The following LRP1B variants were observed in gnomAD, a reference collection of about 807,000 sequenced individuals.
The protein encoded by LRP1B is low-density lipoprotein receptor-related protein 1B.
A neutral mutation model predicts 556.6 loss-of-function variants in LRP1B; 217 were observed. The ratio of observed to expected loss-of-function variants is 0.39; its 90% CI spans 0.35 to 0.44. The LOEUF (loss-of-function observed/expected upper bound fraction) is 0.44, where lower values mean the gene tolerates loss of function less well. Ranked by LOEUF, LRP1B falls within the 20% of genes least tolerant of loss-of-function variation. LRP1B has a pLI of 1.00. For missense variants in LRP1B, 5,053 were observed against 5,620.8 expected, an observed-to-expected ratio of 0.90 and a Z score of 3.23; for synonymous variants, 2,047 against 1,865.8, an observed-to-expected ratio of 1.10 and a Z score of -2.50.
chr2:141,049,057 G>C lies in LRP1B; in HGVS notation c.1718C>G (p.Ala573Gly), dbSNP rs2105445708. Residue 573 changes from alanine (A) to glycine (G), a missense_variant, in exon 11 of 91, where the codon GCT becomes GGT. This residue lies in a region of LRP1B where 3,619 missense variants were observed against 3,931.9 expected (regional missense o/e 0.92). Transcript: ENST00000389484. Reference protein sequence around the residue: ...FHAETNYIYFADTTSFLIGRQ... With the variant: ...FHAETNYIYFGDTTSFLIGRQ... ...GCCAATTAGGAAACTGGTGGTGTCA[G>C]CAAAGTAGATGTAATTGGTTTCTGC... 2 of 1,613,590 alleles carry C rather than the reference G, an allele frequency of 1.2e-6. No homozygotes were observed. Among genetic ancestry groups the C allele is most frequent in the Non-Finnish European group, 1.7e-6 (2 of 1,179,690 alleles).
At chr2:140,521,979 G>A (rs763995011) in intron 49 of LRP1B, among the ~76,000 whole-genome samples, 2 of 151,942 alleles carry the variant, frequency 1.3e-5, no homozygotes, top group South Asian at 2.1e-4. Context: ...CAACTTGATA[G>A]CCACAATAAC....
chr2:141,489,240 C>T (rs940737085), intron 2 of LRP1B, among the ~76,000 whole-genome samples: 2 of 70,592 alleles, frequency 2.8e-5, no homozygotes, highest in African/African-American at 4.4e-5. Flanking sequence ...TGCTTGGCTT[C>T]ACCTCCCAAA....
In LRP1B at chr2:140,503,141, A is replaced by G. The variant is rs757055517; in HGVS notation, c.8522-38T>C. ...AAAAAACATTTGACTAATTCACATA[A>G]CAAATACTAATTGAAACGTCATCTC... On this transcript the variant is annotated intron_variant, in intron 53 of 90. Transcript: ENST00000389484. 7 of 1,593,298 alleles carry G rather than the reference A, an allele frequency of 4.4e-6. No individual in the cohort carries two copies. In the South Asian group the frequency reaches 6.6e-5, roughly 15 times the overall value.
chr2:140,770,781 T>A (rs1689282618), intron 34 of LRP1B, 100 bp downstream of exon 34: 1 of 944,358 alleles, frequency 1.1e-6, no homozygotes, highest in South Asian at 2.5e-5. Context: ...AGTTAATTTT[T>A]TTCTAATGTT....
At position 141,840,395 on chromosome 2, in the gene LRP1B, C is replaced by T. The variant is rs369449077; in HGVS notation, c.83-29994G>A. Among the ~76,000 whole-genome samples the T allele has an allele frequency of 1.6e-4, 24 of 150,104 alleles. No individual in the cohort carries two copies. In the East Asian group the frequency reaches 1.8e-3, roughly 11 times the overall value. ...TCTCCTGCCTCAGCTTCCCAAGTAG[C>T]TGGGACTGCAGGCACCCGCCACTAC... On this transcript the variant is annotated intron_variant, in intron 1 of 90. Coordinates refer to ENST00000389484, the MANE Select transcript of LRP1B (RefSeq NM_018557.3).
intron 27 of LRP1B, among the ~76,000 whole-genome samples, chr2:140,858,533 G>T (rs1692689727): frequency 1.1e-5 from 1 of 93,346 alleles, no homozygotes; most frequent in African/African-American, 3.1e-5. Context: ...AGAGAGAAAG[G>T]AAAGAGAAAG....
chr2:141,007,415 T>C (rs1280239371), intron 14 of LRP1B, among the ~76,000 whole-genome samples: 3 of 151,818 alleles, frequency 2.0e-5, no homozygotes, highest in Admixed American at 2.0e-4. Context: ...AAAAAATACA[T>C]ATGAAAGCCA....
intron 46 of LRP1B, among the ~76,000 whole-genome samples, chr2:140,536,311 T>TTAA (rs1690966846): frequency 1.6e-5 from 1 of 61,872 alleles, no homozygotes; most frequent in Non-Finnish European, 2.7e-5. Context: ...CCCGTCTCTT[T>TTAA]AAAAAAAAAA....
At chr2:140,904,346 C>T (rs955211280) in intron 22 of LRP1B, among the ~76,000 whole-genome samples, 1 of 151,964 alleles carries the variant, frequency 6.6e-6, no homozygotes, top group South Asian at 2.1e-4. Flanking sequence ...TCTTTCTTGG[C>T]TTTAAAAATA....
At chr2:141,708,667 C>T (rs1212521657) in intron 2 of LRP1B, among the ~76,000 whole-genome samples, 1 of 127,900 alleles carries the variant, frequency 7.8e-6, no homozygotes, top group Non-Finnish European at 1.6e-5. Context: ...TTGTGTCTCC[C>T]CAAAATTTGT....
intron 7 of LRP1B, among the ~76,000 whole-genome samples, chr2:141,113,627 G>A (rs934105116): frequency 2.6e-5 from 4 of 151,866 alleles, no homozygotes; most frequent in Admixed American, 1.3e-4. Flanking sequence ...ACCAACACTG[G>A]TACCTCACCT....
intron 22 of LRP1B, among the ~76,000 whole-genome samples, chr2:140,903,610 CAT>C (rs1044232512): frequency 5.9e-5 from 9 of 151,916 alleles, no homozygotes; most frequent in African/African-American, 2.2e-4. Flanking sequence ...TCCATATACA[CAT>C]ATGTGAATAT....
intron 12 of LRP1B, among the ~76,000 whole-genome samples, chr2:141,018,787 T>C (rs1443612588): frequency 6.6e-6 from 1 of 152,074 alleles, no homozygotes; most frequent in Non-Finnish European, 1.5e-5. Context: ...AATCCAAACA[T>C]AAAATCACCA....
intron 1 of LRP1B, among the ~76,000 whole-genome samples, chr2:141,881,349 G>A (rs1698951511): frequency 6.6e-6 from 1 of 152,036 alleles, no homozygotes; most frequent in Non-Finnish European, 1.5e-5. Flanking sequence ...AAACAATTGT[G>A]AGGAGGAAAG....
intron 41 of LRP1B, among the ~76,000 whole-genome samples, chr2:140,637,044 C>T (rs928776722): frequency 6.6e-6 from 1 of 151,912 alleles, no homozygotes; most frequent in Non-Finnish European, 1.5e-5. Context: ...TGGCTTTGGA[C>T]CAAAAAGTGA....
intron 2 of LRP1B, among the ~76,000 whole-genome samples, chr2:141,486,103 AT>A: frequency 6.6e-6 from 1 of 152,166 alleles, no homozygotes; most frequent in East Asian, 1.9e-4. Context: ...TTCAGAAAAC[AT>A]TTCCAGTCCT....
intron 37 of LRP1B, among the ~76,000 whole-genome samples, chr2:140,708,730 A>G (rs1483586685): frequency 6.6e-6 from 1 of 151,912 alleles, no homozygotes; most frequent in Non-Finnish European, 1.5e-5. Flanking sequence ...TGTACATTCA[A>G]TATATATTTG....
chr2:140,587,031 T>C (rs1682013423), intron 43 of LRP1B, among the ~76,000 whole-genome samples: 1 of 151,742 alleles, frequency 6.6e-6, no homozygotes, highest in Admixed American at 6.6e-5. Flanking sequence ...CGGAACAAAA[T>C]GGAAATTTTA....
chr2:141,541,770 A>G (rs1266983981), intron 2 of LRP1B, among the ~76,000 whole-genome samples: 2 of 152,102 alleles, frequency 1.3e-5, no homozygotes, highest in East Asian at 3.8e-4. Flanking sequence ...AATAGAATAC[A>G]TAAATAGATA....
Sources: gnomAD v4.1 joint callset for allele counts (sites outside exome capture counted in the v4.1 genomes callset) on GRCh38, gnomAD v4.1.1 for gene constraint, gnomAD v4.1.1 regional missense constraint, MANE v1.5 for transcripts, NCBI Gene and HGNC (gene_info 2026-07-23, HGNC 2026-07-21) for gene names.